SMARCA2: variants seen among roughly 807,000 people sequenced by gnomAD.
SMARCA2 encodes SWI/SNF-related matrix-associated actin-dependent regulator of chromatin subfamily A member 2.
In SMARCA2, 61 loss-of-function variants were observed where a neutral mutation model predicts 199.8. That is an observed-to-expected ratio of 0.31 (90% CI 0.25 to 0.38). The LOEUF is 0.38. Ranked by LOEUF, SMARCA2 falls within the 10% of genes least tolerant of loss-of-function variation. The probability of loss-of-function intolerance (pLI) is 1.00; values close to 1 mark genes in which losing one functional copy is unlikely to be tolerated. For synonymous variants in SMARCA2, 935 were observed against 732.0 expected (o/e 1.28, Z -4.48); for missense variants, 1,344 against 2,012.2 (o/e 0.67, Z 6.35).
chr9:2,090,558 G>A (rs1822009540), intron 19 of SMARCA2, among the ~76,000 whole-genome samples: 1 of 152,170 alleles, frequency 6.6e-6, no homozygotes, highest in South Asian at 2.1e-4. Context: ...GGAGTTGTGA[G>A]GATTAAATGG....
At chr9:2,092,796 G>T (rs1822114463) in intron 19 of SMARCA2, among the ~76,000 whole-genome samples, 1 of 152,116 alleles carries the variant, frequency 6.6e-6, no homozygotes, top group African/African-American at 2.4e-5. Flanking sequence ...AACTTACTGG[G>T]AGAATCACCC....
At chr9:2,124,787 A>T (rs1823615127) in intron 27 of SMARCA2, among the ~76,000 whole-genome samples, 1 of 152,186 alleles carries the variant, frequency 6.6e-6, no homozygotes, top group Non-Finnish European at 1.5e-5. Flanking sequence ...CGCGTGTGTG[A>T]ACACTGAGGC....
At position 2,150,066 on chromosome 9, in the gene SMARCA2, A is replaced by T. The variant is rs1466824120; in HGVS notation, c.3982-11620A>T. On this transcript the variant is annotated intron_variant, in intron 27 of 33. Coordinates refer to ENST00000349721, the MANE Select transcript of SMARCA2 (RefSeq NM_003070.5). ...TGTGTACATACATGTATGTGAGTAC[A>T]TGCGTCTGTATCTATTGCTAACCAA... Among the ~76,000 whole-genome samples, 11 of 151,572 alleles carry T rather than the reference A, an allele frequency of 7.3e-5. 1 individual carries two copies. Among genetic ancestry groups the T allele is most frequent in the Non-Finnish European group, 5.9e-5 (4 of 67,736 alleles).
chr9:2,032,843 T>A, intron 2 of SMARCA2, 109 bp from the exon 3 acceptor site: 1 of 928,766 alleles, frequency 1.1e-6, no homozygotes, highest in Non-Finnish European at 1.6e-6. Context: ...GAATGGGTAG[T>A]AGATGATAGT....
chr9:2,117,965 C>A (rs922144230), intron 25 of SMARCA2, among the ~76,000 whole-genome samples: 1 of 152,294 alleles, frequency 6.6e-6, no homozygotes, highest in East Asian at 1.9e-4. Flanking sequence ...ATGGTTGATG[C>A]GACCATGAAG....
At position 2,161,624 on chromosome 9, in the gene SMARCA2, T is replaced by A; in HGVS notation, c.3982-62T>A. The A allele has an allele frequency of 1.8e-6, 2 of 1,135,954 alleles. No individual in the cohort carries two copies. The highest frequency in any genetic ancestry group is 2.6e-6 in the Non-Finnish European group (2 of 767,224). The allele number at this position is 1,135,954 out of a possible 1,614,324, so 70.4% of individuals were successfully genotyped here. On this transcript the variant is annotated intron_variant, in intron 27 of 33. Transcript: ENST00000349721. This position sits in a 1 kb window ranked among gnomAD's most constrained non-coding sequence, Gnocchi z 4.7. ...TTGGAGCTATATATAAATATACACA[T>A]ACTTTTTTTGTCTTGGTTATTCTCT...
chr9:2,189,234 T>C (rs1827707477), intron 32 of SMARCA2, among the ~76,000 whole-genome samples: 1 of 152,134 alleles, frequency 6.6e-6, no homozygotes, highest in Non-Finnish European at 1.5e-5. Flanking sequence ...TTTTCATAGG[T>C]GCATATGGTT....
chr9:2,095,076 G>T (rs1563764546), intron 19 of SMARCA2, among the ~76,000 whole-genome samples: 1 of 150,992 alleles, frequency 6.6e-6, no homozygotes, highest in African/African-American at 2.4e-5. Context: ...CAATACAGCT[G>T]AAAAAATTAG....
At chr9:2,145,423 A>G (rs569840873) in intron 27 of SMARCA2, among the ~76,000 whole-genome samples, 8 of 152,066 alleles carry the variant, frequency 5.3e-5, no homozygotes, top group Non-Finnish European at 1.0e-4. Flanking sequence ...CAAGACTAAG[A>G]TGTGGGAATT....
rs751471943 is a variant in SMARCA2 at position 2,170,516 on chromosome 9, C to A, written c.4253+44C>A. On this transcript the variant is annotated intron_variant, in intron 29 of 33. Coordinates refer to ENST00000349721, the MANE Select transcript of SMARCA2 (RefSeq NM_003070.5). This position sits in a 1 kb window ranked among gnomAD's most constrained non-coding sequence, Gnocchi z 4.7. The stretch of plus-strand genomic sequence containing the variant: ...TTCCCCTATCTCTAAATACAGGTAT[C>A]CCTCGTTACGTGAAACAGATTGAAT... The A allele has an allele frequency of 1.9e-6, 3 of 1,613,342 alleles. No homozygotes were observed. The highest frequency in any genetic ancestry group is 2.5e-6 in the Non-Finnish European group (3 of 1,179,668).
intron 27 of SMARCA2, among the ~76,000 whole-genome samples, chr9:2,153,150 A>G (rs541147103): frequency 2.0e-5 from 3 of 152,314 alleles, no homozygotes; most frequent in African/African-American, 4.8e-5. Context: ...AGCCAACCCA[A>G]ATTTAGGAGT....
chr9:2,169,307 T>C lies in SMARCA2; in HGVS notation c.4200-1112T>C, dbSNP rs1305515652. Among the ~76,000 whole-genome samples the C allele has an allele frequency of 6.6e-6, 1 of 152,202 alleles. No individual in the cohort carries two copies. Among genetic ancestry groups the C allele is most frequent in the African/African-American group, 2.4e-5 (1 of 41,450 alleles). ...AGGCACCTAACTTGTCATTTCATAT[T>C]GTAACTTTAGAACTCTTCACAGCGG... On this transcript the variant is annotated intron_variant, in intron 28 of 33. Coordinates refer to ENST00000349721, the MANE Select transcript of SMARCA2 (RefSeq NM_003070.5). The surrounding 1 kb of genome is among the most constrained non-coding windows in gnomAD (Gnocchi z 6.5).
chr9:2,111,738 T>C (rs544289066), intron 24 of SMARCA2, among the ~76,000 whole-genome samples: 1 of 152,174 alleles, frequency 6.6e-6, no homozygotes, highest in East Asian at 1.9e-4. Context: ...TGCTTTCTGT[T>C]CCCTGCCACC....
At chr9:2,015,737 G>GA (rs1339598226) in intron 1 of SMARCA2, among the ~76,000 whole-genome samples, 8 of 152,144 alleles carry the variant, frequency 5.3e-5, no homozygotes, top group Admixed American at 2.0e-4. Flanking sequence ...GGCAAAGGAG[G>GA]AAAAAAATCC....
At chr9:2,173,185 T>C (rs1826350113) in intron 29 of SMARCA2, among the ~76,000 whole-genome samples, 2 of 152,182 alleles carry the variant, frequency 1.3e-5, no homozygotes, top group Non-Finnish European at 2.9e-5. Context: ...AAGGCACTTG[T>C]ATGTATGTGT....
At chr9:2,095,170 C>T (rs1326605517) in intron 19 of SMARCA2, among the ~76,000 whole-genome samples, 1 of 151,630 alleles carries the variant, frequency 6.6e-6, no homozygotes, top group Non-Finnish European at 1.5e-5. Context: ...ACTGCAACCT[C>T]CGCCTCCCGG....
At chr9:2,106,044 T>C (rs1399459020) in intron 23 of SMARCA2, among the ~76,000 whole-genome samples, 1 of 152,242 alleles carries the variant, frequency 6.6e-6, no homozygotes, top group East Asian at 1.9e-4. Flanking sequence ...ACAGCTAACA[T>C]GTATGGAACA....
At chr9:2,067,807 G>C (rs1006210859) in intron 9 of SMARCA2, among the ~76,000 whole-genome samples, 8 of 152,132 alleles carry the variant, frequency 5.3e-5, no homozygotes, top group Admixed American at 2.0e-4. Flanking sequence ...AAATAGTTTT[G>C]GGGATTTTAA....
At chr9:2,142,936 A>G (rs1219362215) in intron 27 of SMARCA2, among the ~76,000 whole-genome samples, 1 of 152,128 alleles carries the variant, frequency 6.6e-6, no homozygotes, top group African/African-American at 2.4e-5. Context: ...GTAAGGCATC[A>G]ATTTAAGTGC....
Sources: gnomAD v4.1 joint callset for allele counts (sites outside exome capture counted in the v4.1 genomes callset) on GRCh38, gnomAD v4.1.1 for gene constraint, Gnocchi (gnomAD v3.1) non-coding constraint, MANE v1.5 for transcripts, NCBI Gene and HGNC (gene_info 2026-07-23, HGNC 2026-07-21) for gene names.